GLDN: variants seen among roughly 807,000 people sequenced by gnomAD.
GLDN encodes gliomedin.
GLDN carries 47 observed loss-of-function variants against 56.5 expected under a neutral mutation model. That is an observed-to-expected ratio of 0.83 (90% confidence interval 0.66 to 1.06). The LOEUF is 1.06. GLDN is among the 50% of genes least tolerant of loss of function. The pLI is 0.00. For synonymous variants in GLDN, 332 were observed against 278.8 expected (o/e 1.19, Z -1.90); for missense variants, 782 against 714.3 (o/e 1.09, Z -1.08).
chr15:51,355,082 A>T (rs1422821524), intron 1 of GLDN, among the ~76,000 whole-genome samples: 1 of 152,216 alleles, frequency 6.6e-6, no homozygotes, highest in East Asian at 1.9e-4. Context: ...CCCCTTAGAG[A>T]GGGTCCTTGG....
chr15:51,383,317 C>T (rs1380720745), intron 2 of GLDN, 119 bp from the exon 3 acceptor site: 2 of 1,048,512 alleles, frequency 1.9e-6, no homozygotes, highest in African/African-American at 3.3e-5. Context: ...GTTCTAAATA[C>T]AAGGTGTCAA....
At chr15:51,377,123 GCTTTTTA>G in intron 1 of GLDN, 1 of 356,536 alleles carries the variant, frequency 2.8e-6, no homozygotes, top group Non-Finnish European at 5.1e-6. Context: ...TACGTGCTAT[GCTTTTTA>G]CAATCTGCAG....
At chr15:51,377,216 G>A in intron 1 of GLDN, 1 of 552,008 alleles carries the variant, frequency 1.8e-6, no homozygotes, top group Non-Finnish European at 3.2e-6. Flanking sequence ...CCCCGTGACT[G>A]GACAAATGAG....
chr15:51,341,771 C>T lies in GLDN; in HGVS notation c.87C>T (p.Leu29=). 6.7e-7 allele frequency: 1 copy of T among 1,492,934 alleles called. No individual in the cohort carries two copies. Among genetic ancestry groups the T allele is most frequent in the Non-Finnish European group, 8.8e-7 (1 of 1,131,180 alleles). 92.5% of individuals were successfully genotyped at this position (1,492,934 alleles called of 1,614,324 possible). ...ALAAVALLSA[L]NAAGTVFALC... ...CGGCCGTGGCGCTGCTCTCGGCGCT[C>T]AACGCTGCGGGCACGGTGTTCGCGC... Residue 29 remains leucine (L), a synonymous_variant, in exon 1 of 10, where the codon CTC becomes CTT. Coordinates refer to ENST00000335449, the MANE Select transcript of GLDN (RefSeq NM_181789.4).
At chr15:51,343,378 T>A (rs1316650554) in intron 1 of GLDN, among the ~76,000 whole-genome samples, 1 of 152,210 alleles carries the variant, frequency 6.6e-6, no homozygotes, top group Non-Finnish European at 1.5e-5. Context: ...CTTAGGGGAA[T>A]TCATTCTCGC....
intron 2 of GLDN, among the ~76,000 whole-genome samples, chr15:51,379,610 G>C (rs2037711501): frequency 6.6e-6 from 1 of 152,182 alleles, no homozygotes; most frequent in African/African-American, 2.4e-5. Context: ...AGACTGATTT[G>C]TTTTTGGTGT....
chr15:51,382,825 A>G (rs545302295), intron 2 of GLDN, among the ~76,000 whole-genome samples: 3 of 152,326 alleles, frequency 2.0e-5, no homozygotes, highest in Non-Finnish European at 2.9e-5. Context: ...ATAGTCGACA[A>G]TAAGACACCC....
intron 2 of GLDN, 141 bp from the exon 3 acceptor site, chr15:51,383,295 C>A: frequency 1.1e-6 from 1 of 897,290 alleles, no homozygotes; most frequent in Non-Finnish European, 1.7e-6. Flanking sequence ...GTCTTTTGGC[C>A]AAATATAACG....
At chr15:51,386,457 C>A (rs1415327772) in intron 4 of GLDN, among the ~76,000 whole-genome samples, 3 of 152,206 alleles carry the variant, frequency 2.0e-5, no homozygotes, top group Admixed American at 2.0e-4. Context: ...CCCTTCATAC[C>A]CAGCACTTGC....
At chr15:51,350,575 A>G (rs185698759) in intron 1 of GLDN, among the ~76,000 whole-genome samples, 15 of 152,256 alleles carry the variant, frequency 9.9e-5, no homozygotes, top group Middle Eastern at 3.4e-3. Flanking sequence ...CTAGGTATCA[A>G]TTAAGGTTTG....
chr15:51,375,974 C>T lies in GLDN; in HGVS notation c.364-1475C>T, dbSNP rs541656981. Among the ~76,000 whole-genome samples the T allele has an allele frequency of 5.9e-5, 9 of 152,312 alleles. No homozygotes were observed. The South Asian group carries it at 1.7e-3, about 28-fold the overall frequency. ...AAGTTGGATTTGGCAATTCCCTCGTCATCCTCTGTCAGAATTCCATAGAAA... is the reference window on the plus strand; with the variant it reads ...AAGTTGGATTTGGCAATTCCCTCGTTATCCTCTGTCAGAATTCCATAGAAA... On this transcript the variant is annotated intron_variant, in intron 1 of 9. Coordinates refer to ENST00000335449, the MANE Select transcript of GLDN (RefSeq NM_181789.4).
At chr15:51,375,522 C>T (rs2141085219) in intron 1 of GLDN, among the ~76,000 whole-genome samples, 1 of 152,218 alleles carries the variant, frequency 6.6e-6, no homozygotes, top group East Asian at 1.9e-4. Context: ...GAATTTAGCA[C>T]AGTCAGATTT....
intron 8 of GLDN, 93 bp downstream of exon 8, chr15:51,400,591 G>A: frequency 7.7e-7 from 1 of 1,299,546 alleles, no homozygotes; most frequent in East Asian, 2.3e-5. Context: ...GTGTGTGTCT[G>A]AAATCCCCGG....
At chr15:51,354,511 G>A (rs1465333631) in intron 1 of GLDN, among the ~76,000 whole-genome samples, 2 of 152,198 alleles carry the variant, frequency 1.3e-5, no homozygotes, top group East Asian at 3.8e-4. Flanking sequence ...CCTCACTAAG[G>A]AAATTGAACT....
chr15:51,374,363 G>A (rs979523969), intron 1 of GLDN, among the ~76,000 whole-genome samples: 2 of 152,114 alleles, frequency 1.3e-5, no homozygotes, highest in Non-Finnish European at 1.5e-5. Context: ...TCCTAGTGCA[G>A]CTGATTACAT....
intron 1 of GLDN, chr15:51,351,046 A>G: frequency 4.8e-6 from 1 of 208,280 alleles, no homozygotes; most frequent in Non-Finnish European, 1.0e-5. Flanking sequence ...TTTTTTTTTA[A>G]GTGAACGTAA....
Position 51,404,574 on chromosome 15 carries a change from C to T in GLDN, c.1476C>T (p.Val492=). The change falls in exon 10 of 10, where the codon GTC becomes GTT. Residue 492 remains valine, a synonymous_variant. Transcript: ENST00000335449. ...TCACAGACACCAAAGATATGAGGGT[C>T]ACATTTGCCTTTGATTTGTTAGGAG... ...LYVTDTKDMR[V]TFAFDLLGGK... is the part of the protein sequence containing the mutation. 2 of 1,614,158 alleles carry T rather than the reference C, an allele frequency of 1.2e-6. No homozygotes were observed. The highest frequency in any genetic ancestry group is 1.7e-6 in the Non-Finnish European group (2 of 1,180,038).
At chr15:51,377,623 A>T (rs546080105) in intron 2 of GLDN, 123 bp downstream of exon 2, 1 of 633,586 alleles carries the variant, frequency 1.6e-6, no homozygotes, top group Non-Finnish European at 2.7e-6. Flanking sequence ...CTTTTACCAG[A>T]TGTTTTTAAT....
chr15:51,343,841 G>A (rs913669124), intron 1 of GLDN, among the ~76,000 whole-genome samples: 1 of 152,034 alleles, frequency 6.6e-6, no homozygotes. Context: ...CAGATTCCAG[G>A]GCCTCTCCCT....
Sources: allele counts gnomAD v4.1 joint callset (sites outside exome capture counted in the v4.1 genomes callset), GRCh38; gene constraint gnomAD v4.1.1; transcripts MANE v1.5; gene names NCBI Gene and HGNC (gene_info 2026-07-23, HGNC 2026-07-21).